PCDHGB1: variants seen among roughly 807,000 people sequenced by gnomAD.
The protein encoded by PCDHGB1 is protocadherin gamma subfamily B, 1, also known as protocadherin gamma-B1.
Under a neutral mutation model 56.6 loss-of-function variants are expected in PCDHGB1, and 34 were observed. That is an observed-to-expected ratio of 0.60 (90% confidence interval 0.46 to 0.80). PCDHGB1 has a LOEUF of 0.80. Ranked by LOEUF, PCDHGB1 falls within the 30% of genes least tolerant of loss-of-function variation. The pLI, the probability that PCDHGB1 is intolerant of heterozygous loss-of-function variation, is 0.00. For missense variants in PCDHGB1, 1,278 were observed against 1,204.6 expected (o/e 1.06, Z -0.90); for synonymous variants, 561 against 505.9 (o/e 1.11, Z -1.46).
intron 1 of PCDHGB1, among the ~76,000 whole-genome samples, chr5:141,453,360 C>T (rs966238012): frequency 6.6e-6 from 1 of 152,000 alleles, no homozygotes; most frequent in Non-Finnish European, 1.5e-5. Context: ...CCCTGAACTC[C>T]TGGGGTCAAG....
intron 1 of PCDHGB1, chr5:141,374,178 G>T: frequency 1.9e-6 from 3 of 1,613,614 alleles, no homozygotes; most frequent in Non-Finnish European, 2.5e-6. Flanking sequence ...GCGCAGATCC[G>T]CTACTCTATT....
At position 141,486,548 on chromosome 5, in the gene PCDHGB1, T is replaced by C; in HGVS notation, c.2410-8259T>C. 1 of 1,614,100 alleles carries C rather than the reference T, an allele frequency of 6.2e-7. No individual in the cohort carries two copies. ...TAATCCACCCTCTTTCTTTCAGAGG[T>C]CACATGAGGTGTTTGTTCCTGAGAA... is the stretch of plus-strand genomic sequence containing the variant. On this transcript the variant is annotated intron_variant, in intron 1 of 3. Coordinates refer to ENST00000523390, the MANE Select transcript of PCDHGB1 (RefSeq NM_018922.3). The surrounding 1 kb of genome is among the most constrained non-coding windows in gnomAD (Gnocchi z 5.0).
rs149319740 is a variant in PCDHGB1, at chr5:141,378,591, G to A, written c.2409+25922G>A. The stretch of plus-strand genomic sequence containing the variant: ...TTTTAAAACATGCTCGGTAGTGTCT[G>A]CTTACAGGACATATCTCTAAAAATA... On this transcript the variant is annotated intron_variant, in intron 1 of 3. Transcript: ENST00000523390. 4.1e-4 allele frequency: 63 copies of A among 152,298 alleles called. 1 individual carries two copies. Among genetic ancestry groups the A allele is most frequent in the African/African-American group, 1.4e-3 (60 of 41,574 alleles). The allele number at this position is 152,298 out of a possible 1,614,324, so 9.4% of individuals were successfully genotyped here.
At chr5:141,397,926 A>T in intron 1 of PCDHGB1, 1 of 753,888 alleles carries the variant, frequency 1.3e-6, no homozygotes, top group Non-Finnish European at 2.1e-6. Context: ...CTCCTCGCGC[A>T]GCCGCAGCGC....
At position 141,350,692 on chromosome 5, in the gene PCDHGB1, AC is replaced by A. The variant is rs780794690; in HGVS notation, c.435del (p.Val147Ter). ...ACTTAGAAATTTGTGAGTCAGCCTT[AC>A]CCGGGGTAAAATTCTCTCTGGATTC... ...IDLEICESAL[P>X]GVKFSLDSAQ... On this transcript the variant is annotated frameshift_variant, in exon 1 of 4. Coordinates refer to ENST00000523390, the MANE Select transcript of PCDHGB1 (RefSeq NM_018922.3). LOFTEE classifies it high-confidence loss of function. The A allele has an allele frequency of 1.4e-4, 225 of 1,612,578 alleles. No individual in the cohort carries two copies. Among genetic ancestry groups the A allele is most frequent in the Non-Finnish European group, 1.8e-4 (213 of 1,178,772 alleles).
At chr5:141,510,580 G>A (rs947369646) in intron 3 of PCDHGB1, among the ~76,000 whole-genome samples, 7 of 152,248 alleles carry the variant, frequency 4.6e-5, no homozygotes, top group South Asian at 2.1e-4. Flanking sequence ...ACTATTTTAC[G>A]TACCTGACAT....
Position 141,350,382 on chromosome 5 carries a change from A to G in PCDHGB1, c.122A>G (p.Asn41Ser), listed in dbSNP as rs1758460204. Reference protein sequence around the residue: ...IRYTIPEELANGSRVGKLAKD... With the variant: ...IRYTIPEELASGSRVGKLAKD... ...TACACGATTCCAGAGGAGCTAGCCA[A>G]CGGCTCACGGGTGGGGAAACTTGCC... The change falls in exon 1 of 4, where the codon AAC becomes AGC. Residue 41 changes from asparagine (N) to serine (S), a missense_variant. Physicochemically the swap from Asn to Ser is conservative, Grantham distance 46 (BLOSUM62 1). Coordinates refer to ENST00000523390, the MANE Select transcript of PCDHGB1 (RefSeq NM_018922.3). The G allele has an allele frequency of 6.3e-7, 1 of 1,590,226 alleles. No homozygotes were observed. Among genetic ancestry groups the G allele is most frequent in the African/African-American group, 1.3e-5 (1 of 74,168 alleles).
intron 1 of PCDHGB1, chr5:141,390,523 G>C: frequency 1.8e-6 from 1 of 556,304 alleles, no homozygotes; most frequent in Non-Finnish European, 3.1e-6. Context: ...AGCAATGAGG[G>C]TGTGGTTTTA....
rs372031191 is a variant in PCDHGB1, at chr5:141,395,092, C to T, written c.2409+42423C>T. 3.2e-5 allele frequency: 52 copies of T among 1,614,088 alleles called. No homozygotes were observed. The highest frequency in any genetic ancestry group is 4.2e-5 in the Non-Finnish European group (50 of 1,180,040). On this transcript the variant is annotated intron_variant, in intron 1 of 3. Transcript: ENST00000523390. ...ACCTATTCCCAGGAAGTCTCCCTCA[C>T]CGCCGACTCGCGGAAGAGTCACCTG...
At chr5:141,423,836 GATA>G (rs752488755) in intron 1 of PCDHGB1, 23 of 1,275,246 alleles carry the variant, frequency 1.8e-5, no homozygotes, top group Non-Finnish European at 2.1e-5. Context: ...ATGAGATTAC[GATA>G]ATCTTTCAGA....
intron 1 of PCDHGB1, among the ~76,000 whole-genome samples, chr5:141,444,726 G>C (rs1296177763): frequency 6.6e-6 from 1 of 152,048 alleles, no homozygotes; most frequent in African/African-American, 2.4e-5. Flanking sequence ...TGGTGCCTTT[G>C]TTGAAAGTCA....
intron 1 of PCDHGB1, chr5:141,421,848 T>C (rs571838248): frequency 4.9e-5 from 79 of 1,613,634 alleles, no homozygotes; most frequent in Non-Finnish European, 6.0e-5. Flanking sequence ...AGAAAGAGGC[T>C]GCTCACCTGC....
rs2096175268 is a variant in PCDHGB1, at chr5:141,417,870, G to A, written c.2409+65201G>A. On this transcript the variant is annotated intron_variant, in intron 1 of 3. Transcript: ENST00000523390. ...GAACCCGAGCGAACGATGGGAGGGA[G>A]CTGCGCGCAGAGGCGCCGGGCCGGC... 3 of 1,553,910 alleles carry A rather than the reference G, an allele frequency of 1.9e-6. No homozygotes were observed. Among genetic ancestry groups the A allele is most frequent in the Admixed American group, 2.0e-5 (1 of 51,084 alleles).
At position 141,398,516 on chromosome 5, in the gene PCDHGB1, C is replaced by G. The variant is rs779535322; in HGVS notation, c.2409+45847C>G. On this transcript the variant is annotated intron_variant, in intron 1 of 3. Coordinates refer to ENST00000523390, the MANE Select transcript of PCDHGB1 (RefSeq NM_018922.3). ...GAGATCGAGGACATTAATGACCACA[C>G]GCCAAAATTCACGCAAAATTCCTTT... is the stretch of plus-strand genomic sequence containing the variant. The G allele has an allele frequency of 4.4e-5, 70 of 1,598,584 alleles. No individual in the cohort carries two copies. The highest frequency in any genetic ancestry group is 4.3e-4 in the Admixed American group (25 of 58,660).
chr5:141,389,590 G>T (rs1409328445), intron 1 of PCDHGB1: 1 of 1,613,014 alleles, frequency 6.2e-7, no homozygotes, highest in Non-Finnish European at 8.5e-7. Context: ...GGTCCCGACG[G>T]CTCTGCGCTC....
At position 141,431,035 on chromosome 5, in the gene PCDHGB1, G is replaced by C; in HGVS notation, c.2410-63772G>C. The C allele has an allele frequency of 6.2e-7, 1 of 1,614,186 alleles. No individual in the cohort carries two copies. Among genetic ancestry groups the C allele is most frequent in the South Asian group, 1.1e-5 (1 of 91,086 alleles). ...TGGTCACGGCGGGCAGGATAGACCG[G>C]GAGGAGCTCTGTATGGGGGCCATCA... On this transcript the variant is annotated intron_variant, in intron 1 of 3. Transcript: ENST00000523390. The surrounding 1 kb of genome is among the most constrained non-coding windows in gnomAD (Gnocchi z 4.8).
chr5:141,397,223 T>G (rs144227558), intron 1 of PCDHGB1, among the ~76,000 whole-genome samples: 2 of 152,186 alleles, frequency 1.3e-5, no homozygotes, highest in Admixed American at 6.5e-5. Context: ...TATTTTGAGA[T>G]ATGAAGAAGA....
At position 141,485,576 on chromosome 5, in the gene PCDHGB1, C is replaced by A; in HGVS notation, c.2410-9231C>A. 1 of 1,612,412 alleles carries A rather than the reference C, an allele frequency of 6.2e-7. No individual in the cohort carries two copies. The highest frequency in any genetic ancestry group is 8.5e-7 in the Non-Finnish European group (1 of 1,178,628). On this transcript the variant is annotated intron_variant, in intron 1 of 3. Transcript: ENST00000523390. The surrounding 1 kb of genome is among the most constrained non-coding windows in gnomAD (Gnocchi z 5.7). ...GAATGATCACGCCCCCCGTTTTCCGCGGCAGCAGCTGGACTTGGAAATTGG... is the reference window on the plus strand; with the variant it reads ...GAATGATCACGCCCCCCGTTTTCCGAGGCAGCAGCTGGACTTGGAAATTGG...
intron 1 of PCDHGB1, among the ~76,000 whole-genome samples, chr5:141,437,145 T>C (rs191316470): frequency 3.9e-5 from 6 of 152,364 alleles, no homozygotes; most frequent in Admixed American, 3.9e-4. Flanking sequence ...GGATTCATAA[T>C]TAACATATGT....
Sources: gnomAD v4.1 joint callset for allele counts (sites outside exome capture counted in the v4.1 genomes callset) on GRCh38, gnomAD v4.1.1 for gene constraint, Gnocchi (gnomAD v3.1) non-coding constraint, MANE v1.5 for transcripts, NCBI Gene and HGNC (gene_info 2026-07-23, HGNC 2026-07-21) for gene names.